The following CACNA1E variants were observed in gnomAD, a reference collection of about 807,000 sequenced individuals.
The protein encoded by CACNA1E is calcium voltage-gated channel subunit alpha1 E.
In CACNA1E, 40 loss-of-function variants were observed where a neutral mutation model predicts 259.2. That is an observed-to-expected ratio of 0.15 (90% CI 0.12 to 0.20). CACNA1E has a LOEUF of 0.20. Ranked by LOEUF, CACNA1E falls within the 10% of genes least tolerant of loss-of-function variation. CACNA1E has a pLI of 1.00. For missense variants in CACNA1E, 1,874 were observed against 3,040.1 expected (o/e 0.62, Z 9.02); for synonymous variants, 1,104 against 1,138.5 (o/e 0.97, Z 0.61).
Position 181,384,578 on chromosome 1 carries a change from C to T in CACNA1E, c.-14-28555C>T, listed in dbSNP as rs796209530. On this transcript the variant is annotated intron_variant, in intron 1 of 11. Coordinates refer to the CACNA1E transcript ENST00000524607. ...GTTACATTTCTTCTCTGATTATTGG[C>T]TTCCTCATCTTTAAAGTTGCGATTT... Among the ~76,000 whole-genome samples, 13 of 152,282 alleles carry T rather than the reference C, an allele frequency of 8.5e-5. 1 individual carries two copies. Among genetic ancestry groups the T allele is most frequent in the African/African-American group, 3.1e-4 (13 of 41,576 alleles).
chr1:181,748,463 A>C (rs563995503), intron 25 of CACNA1E, among the ~76,000 whole-genome samples: 1 of 152,178 alleles, frequency 6.6e-6, no homozygotes, highest in Non-Finnish European at 1.5e-5. Context: ...CCCGCAGAAG[A>C]CGCATGTCTA....
At chr1:181,347,113 T>C (rs1254365870) in intron 1 of CACNA1E, among the ~76,000 whole-genome samples, 1 of 152,196 alleles carries the variant, frequency 6.6e-6, no homozygotes, top group Non-Finnish European at 1.5e-5. Flanking sequence ...CCACGCTTCC[T>C]GCATTCAGAT....
intron 27 of CACNA1E, 65 bp from the exon 28 acceptor site, chr1:181,755,172 G>A (rs1657979673): frequency 7.2e-6 from 10 of 1,387,494 alleles, no homozygotes; most frequent in Middle Eastern, 2.2e-4. Flanking sequence ...GGCCCAGCTC[G>A]GCTCTAGGCA....
chr1:181,457,328 T>A (rs1661525510), intron 2 of CACNA1E, among the ~76,000 whole-genome samples: 1 of 152,214 alleles, frequency 6.6e-6, no homozygotes, highest in Admixed American at 6.5e-5. Context: ...CGTGGGGGGT[T>A]AGGATTTCAA....
At chr1:181,785,491 C>A in intron 42 of CACNA1E, 73 bp downstream of exon 42, 1 of 1,093,458 alleles carries the variant, frequency 9.1e-7, no homozygotes, top group Non-Finnish European at 1.4e-6. Context: ...CTGTGCCTCC[C>A]TGGGGCATAG....
chr1:181,362,873 T>G (rs1653990242), intron 1 of CACNA1E, among the ~76,000 whole-genome samples: 1 of 152,248 alleles, frequency 6.6e-6, no homozygotes, highest in Non-Finnish European at 1.5e-5. Context: ...TGCCTTGGGC[T>G]GACCTGACCC....
intron 6 of CACNA1E, among the ~76,000 whole-genome samples, chr1:181,632,648 T>C (rs1016260432): frequency 3.3e-5 from 5 of 152,224 alleles, no homozygotes; most frequent in Admixed American, 1.3e-4. Flanking sequence ...CAGAGGAATT[T>C]CATTTATAAA....
chr1:181,566,470 A>C (rs976234597), intron 3 of CACNA1E, among the ~76,000 whole-genome samples: 2 of 152,236 alleles, frequency 1.3e-5, no homozygotes, highest in African/African-American at 4.8e-5. Context: ...TGAGTGAATA[A>C]TCAGGGACTT....
chr1:181,703,826 G>A (rs1431924071), intron 7 of CACNA1E, among the ~76,000 whole-genome samples: 1 of 148,872 alleles, frequency 6.7e-6, no homozygotes, highest in Non-Finnish European at 1.5e-5. Flanking sequence ...TTGGACAGGT[G>A]ATCTGTCAGG....
chr1:181,733,761 A>C lies in CACNA1E; in HGVS notation c.3262+11A>C, dbSNP rs372089460. The C allele has an allele frequency of 6.6e-7, 1 of 1,515,504 alleles. No individual in the cohort carries two copies. The highest frequency in any genetic ancestry group is 8.9e-7 in the Non-Finnish European group (1 of 1,127,896). 93.9% of individuals were successfully genotyped at this position (1,515,504 alleles called of 1,614,324 possible). A position where few individuals can be genotyped will look rare whatever the true frequency, so the allele number is the denominator to read the frequency against. The stretch of plus-strand genomic sequence containing the variant: ...CAACCGTGGTGCACAGTGAGAGCAC[A>C]GTCCCTGTTCCCCTCCACCCCCAAC... On this transcript the variant is annotated intron_variant, in intron 21 of 47. Transcript: ENST00000367573.
intron 6 of CACNA1E, among the ~76,000 whole-genome samples, chr1:181,582,232 A>T (rs1451840847): frequency 6.6e-5 from 10 of 152,246 alleles, no homozygotes; most frequent in African/African-American, 9.6e-5. Flanking sequence ...ACACCCAGCA[A>T]GCCCAGGGAT....
At chr1:181,500,866 A>AG (rs1665189600) in intron 1 of CACNA1E, among the ~76,000 whole-genome samples, 1 of 152,192 alleles carries the variant, frequency 6.6e-6, no homozygotes, top group Non-Finnish European at 1.5e-5. Flanking sequence ...CTTTCACAAA[A>AG]GGCTTTTCAT....
rs750902818 is a variant in CACNA1E at position 181,733,635 on chromosome 1, C to T, written c.3147C>T (p.Ser1049=). The stretch of plus-strand genomic sequence containing the variant: ...ACATGGGCCGGGTCATCAGCCAGAG[C>T]GAGCCTGACCTCTCCTGCATCACGG... ...QLDMGRVISQ[S]EPDLSCITAN... The change falls in exon 21 of 48, where the codon AGC becomes AGT. Residue 1049 remains serine, a synonymous_variant. Transcript: ENST00000367573. 1.9e-5 allele frequency: 31 copies of T among 1,612,888 alleles called. No homozygotes were observed. Among genetic ancestry groups the T allele is most frequent in the East Asian group, 1.1e-4 (5 of 44,832 alleles).
intron 7 of CACNA1E, among the ~76,000 whole-genome samples, chr1:181,695,664 A>T (rs3908959): frequency 0.12 from 17,641 of 152,230 alleles, 1,081 homozygotes; most frequent in Middle Eastern, 0.16. Context: ...ATATTCATAT[A>T]AAAAAAGTGA....
In CACNA1E at chr1:181,510,474, C is replaced by T. The variant is rs1187665696; in HGVS notation, c.267-3C>T. ...AATTTGTTCCTTAACTCCGCTTTCC[C>T]ACGCCATTTGAGTACATGATCCTGG... On this transcript the variant is annotated splice_polypyrimidine_tract_variant and splice_region_variant and intron_variant, in intron 1 of 47. Coordinates refer to ENST00000367573, the MANE Select transcript of CACNA1E (RefSeq NM_001205293.3). The T allele has an allele frequency of 1.2e-6, 2 of 1,610,488 alleles. No individual in the cohort carries two copies. The highest frequency in any genetic ancestry group is 2.2e-5 in the East Asian group (1 of 44,850).
rs540606895 is a variant in CACNA1E at position 181,473,334 on chromosome 1, C to T, written c.435-10410C>T. On this transcript the variant is annotated intron_variant, in intron 2 of 11. Transcript: ENST00000524607. ...GAAAAACAAGTAAATGGTGTAAAAC[C>T]ATGCTAATTATGCATAAATTATGGG... is the stretch of plus-strand genomic sequence containing the variant. Among the ~76,000 whole-genome samples, 13 of 152,258 alleles carry T rather than the reference C, an allele frequency of 8.5e-5. No homozygotes were observed. The South Asian group carries it at 2.7e-3, about 32-fold the overall frequency.
chr1:181,368,015 G>T (rs185278091), intron 1 of CACNA1E, among the ~76,000 whole-genome samples: 405 of 152,302 alleles, frequency 2.7e-3, no homozygotes, highest in Admixed American at 5.0e-3. Context: ...CAGATCACTT[G>T]AGGCCAGGAG....
At chr1:181,535,379 G>GA (rs1183592804) in intron 3 of CACNA1E, among the ~76,000 whole-genome samples, 2 of 131,398 alleles carry the variant, frequency 1.5e-5, no homozygotes, top group Non-Finnish European at 3.2e-5. Context: ...GCAGCAAAGA[G>GA]AAAAAATGTA....
intron 7 of CACNA1E, among the ~76,000 whole-genome samples, chr1:181,676,515 G>C (rs73043428): frequency 0.061 from 9,257 of 152,040 alleles, 934 homozygotes; most frequent in African/African-American, 0.21. Flanking sequence ...AGACTATCTA[G>C]GGTGTACATT....
Sources: gnomAD v4.1 joint callset for allele counts (sites outside exome capture counted in the v4.1 genomes callset) on GRCh38, gnomAD v4.1.1 for gene constraint, MANE v1.5 for transcripts, NCBI Gene and HGNC (gene_info 2026-07-23, HGNC 2026-07-21) for gene names.